Variants in PACS1 observed in about 807,000 individuals in gnomAD.
PACS1 encodes the protein PACS-1.
PACS1 carries 24 observed loss-of-function variants against 115.0 expected under a neutral mutation model. That is an observed-to-expected ratio of 0.21 (90% CI 0.15 to 0.29). The LOEUF is 0.29. PACS1 is among the 10% of genes least tolerant of loss of function. PACS1 has a pLI of 1.00. For synonymous variants in PACS1, 453 were observed against 504.5 expected, an observed-to-expected ratio of 0.90 and a Z score of 1.37; for missense variants, 838 against 1,251.2, an observed-to-expected ratio of 0.67 and a Z score of 4.98.
At chr11:66,203,133 T>C (rs1854855754) in intron 2 of PACS1, among the ~76,000 whole-genome samples, 1 of 152,076 alleles carries the variant, frequency 6.6e-6, no homozygotes, top group Non-Finnish European at 1.5e-5. Context: ...AAAATAACTA[T>C]TAGAACTGAT....
chr11:66,075,021 C>T (rs1431028606), intron 1 of PACS1, among the ~76,000 whole-genome samples: 1 of 138,160 alleles, frequency 7.2e-6, no homozygotes, highest in Non-Finnish European at 1.5e-5. Context: ...CGGCTCACTG[C>T]AAGCTCCGCC....
Position 66,211,184 on chromosome 11 carries a change from A to G in PACS1, c.585A>G (p.Gln195=). The part of the protein sequence containing the change: ...RDANKLQIML[Q]RRKRYKNRTI... The stretch of plus-strand genomic sequence containing the variant: ...CCAACAAGCTGCAGATCATGCTGCA[A>G]AGGAGAAAACGTTACAAGAATCGGA... Residue 195 remains glutamine, a synonymous_variant, in exon 4 of 24, where the codon CAA becomes CAG. Transcript: ENST00000320580. 6.2e-7 allele frequency: 1 copy of G among 1,613,856 alleles called. No individual in the cohort carries two copies. The highest frequency in any genetic ancestry group is 8.5e-7 in the Non-Finnish European group (1 of 1,179,764).
chr11:66,169,866 A>C (rs1454012917), intron 1 of PACS1, among the ~76,000 whole-genome samples: 2 of 149,862 alleles, frequency 1.3e-5, no homozygotes, highest in Admixed American at 6.6e-5. Context: ...CCTCCTTTTG[A>C]TCCTCTGGAA....
chr11:66,089,315 C>T (rs1028772671), intron 1 of PACS1, among the ~76,000 whole-genome samples: 1 of 152,154 alleles, frequency 6.6e-6, no homozygotes, highest in Non-Finnish European at 1.5e-5. Flanking sequence ...CTTATTATGA[C>T]AGTTATTATA....
chr11:66,231,970 C>T (rs1855605320), intron 13 of PACS1: 2 of 546,162 alleles, frequency 3.7e-6, no homozygotes, highest in Non-Finnish European at 6.6e-6. Context: ...CATGTGTCCT[C>T]TAAGGACTCG....
intron 1 of PACS1, among the ~76,000 whole-genome samples, chr11:66,161,309 G>C (rs760137429): frequency 6.6e-6 from 1 of 151,974 alleles, no homozygotes; most frequent in Non-Finnish European, 1.5e-5. Context: ...AAAATTAGCC[G>C]GGCGTGGTGG....
At chr11:66,173,430 G>A (rs1414847650) in intron 1 of PACS1, among the ~76,000 whole-genome samples, 4 of 152,014 alleles carry the variant, frequency 2.6e-5, no homozygotes, top group Admixed American at 1.3e-4. Flanking sequence ...ACACTCAGCC[G>A]GGCGCAGTGG....
intron 1 of PACS1, among the ~76,000 whole-genome samples, chr11:66,136,102 G>A (rs551622558): frequency 1.3e-4 from 20 of 152,304 alleles, no homozygotes; most frequent in South Asian, 4.1e-4. Flanking sequence ...CGTAAATGAC[G>A]TAGATACGTA....
In PACS1 at chr11:66,236,730, T is replaced by C. The variant is rs1327831604; in HGVS notation, c.2250+790T>C. Among the ~76,000 whole-genome samples the C allele has an allele frequency of 6.6e-6, 1 of 152,072 alleles. No individual in the cohort carries two copies. Among genetic ancestry groups the C allele is most frequent in the Non-Finnish European group, 1.5e-5 (1 of 68,028 alleles). ...GATTTCCACTTAAAAGAGCTTTACA[T>C]TTCCCTTCGAAACCAGCTTCTATCT... On this transcript the variant is annotated intron_variant, in intron 19 of 23. Coordinates refer to ENST00000320580, the MANE Select transcript of PACS1 (RefSeq NM_018026.4). The surrounding 1 kb of genome is among the most constrained non-coding windows in gnomAD (Gnocchi z 4.2).
chr11:66,200,861 T>A (rs1854773651), intron 2 of PACS1, among the ~76,000 whole-genome samples: 1 of 151,214 alleles, frequency 6.6e-6, no homozygotes, highest in Non-Finnish European at 1.5e-5. Context: ...TTCATTAGCA[T>A]GTGGATCATT....
intron 1 of PACS1, among the ~76,000 whole-genome samples, chr11:66,153,559 A>G (rs1859291316): frequency 6.6e-6 from 1 of 152,126 alleles, no homozygotes; most frequent in Non-Finnish European, 1.5e-5. Flanking sequence ...AGGTGGGCGG[A>G]TCACGAAATT....
At chr11:66,072,083 T>C (rs1183750328) in intron 1 of PACS1, among the ~76,000 whole-genome samples, 6 of 152,234 alleles carry the variant, frequency 3.9e-5, no homozygotes. Context: ...TTTTACTACA[T>C]AATGCATCTC....
chr11:66,239,076 C>T, intron 20 of PACS1, 66 bp from the exon 21 acceptor site: 1 of 1,611,070 alleles, frequency 6.2e-7, no homozygotes, highest in African/African-American at 1.3e-5. Flanking sequence ...ACCCCGGCTC[C>T]TTGCCACCAC....
intron 10 of PACS1, chr11:66,221,733 C>G (rs1286610605): frequency 6.3e-6 from 1 of 158,656 alleles, no homozygotes; most frequent in Admixed American, 6.2e-5. Flanking sequence ...GGGAGCTTAG[C>G]TCTTTGGGGT....
At chr11:66,118,848 C>G (rs2134557841) in intron 1 of PACS1, among the ~76,000 whole-genome samples, 1 of 152,000 alleles carries the variant, frequency 6.6e-6, no homozygotes, top group African/African-American at 2.4e-5. Context: ...TTCCTTCTCT[C>G]CCTTCCCAAA....
chr11:66,242,805 C>A, intron 22 of PACS1, 107 bp from the exon 23 acceptor site: 1 of 1,477,686 alleles, frequency 6.8e-7, no homozygotes. Context: ...GGTTGGTTTG[C>A]AGATCACCTC....
chr11:66,231,118 T>C (rs1458534959), intron 13 of PACS1, among the ~76,000 whole-genome samples, 178 bp downstream of exon 13: 1 of 152,278 alleles, frequency 6.6e-6, no homozygotes, highest in Non-Finnish European at 1.5e-5. Context: ...CCTTGCTTAC[T>C]GCCAGTGTGG....
rs1366927663 is a variant in PACS1, at chr11:66,233,254, C to T, written c.1838+188C>T. 6.6e-6 allele frequency among the ~76,000 whole-genome samples: 1 copy of T among 152,132 alleles called. No individual in the cohort carries two copies. The highest frequency in any genetic ancestry group is 1.5e-5 in the Non-Finnish European group (1 of 68,006). On this transcript the variant is annotated intron_variant, in intron 15 of 23. Transcript: ENST00000320580. This position sits in a 1 kb window ranked among gnomAD's most constrained non-coding sequence, Gnocchi z 4.5. The stretch of plus-strand genomic sequence containing the variant: ...GAGGCCCCGGCAGACCCCAGAGGAT[C>T]GGGGGTGGAAATATCAATTCCTGTG...
chr11:66,158,975 A>G (rs1390519088), intron 1 of PACS1, among the ~76,000 whole-genome samples: 1 of 152,212 alleles, frequency 6.6e-6, no homozygotes, highest in Non-Finnish European at 1.5e-5. Flanking sequence ...TCAGAGAGAA[A>G]AGTCACATAA....
Sources: gnomAD v4.1 joint callset for allele counts (sites outside exome capture counted in the v4.1 genomes callset) on GRCh38, gnomAD v4.1.1 for gene constraint, Gnocchi (gnomAD v3.1) non-coding constraint, MANE v1.5 for transcripts, NCBI Gene and HGNC (gene_info 2026-07-23, HGNC 2026-07-21) for gene names.